The following KRT222 variants were observed in gnomAD, a reference collection of about 807,000 sequenced individuals.
KRT222 encodes the protein keratin-like protein KRT222.
A neutral mutation model predicts 35.0 loss-of-function variants in KRT222; 23 were observed. The ratio of observed to expected loss-of-function variants is 0.66; its 90% CI spans 0.47 to 0.93. The LOEUF is 0.93. KRT222 is among the 40% of genes least tolerant of loss of function. The pLI is 0.00. For missense variants in KRT222, 339 were observed against 346.3 expected (o/e 0.98, Z 0.17); for synonymous variants, 108 against 118.8 (o/e 0.91, Z 0.59).
In KRT222 at chr17:40,662,032, T is replaced by C. The variant is rs1433413402; in HGVS notation, c.109A>G (p.Ile37Val). The change falls in exon 2 of 6, where the codon ATA becomes GTA. Residue 37 changes from isoleucine to valine, a missense_variant. Coordinates refer to ENST00000394052, the MANE Select transcript of KRT222 (RefSeq NM_152349.3). The part of the protein sequence containing the change: ...LSTRIQLEED[I>V]SKKMDKDEEA... ...TCATCTTTGTCCATTTTTTTGCTTA[T>C]GTCTTCTTCTAGCTAACAAGAAAGC... 6.2e-7 allele frequency: 1 copy of C among 1,613,746 alleles called. No individual in the cohort carries two copies. The highest frequency in any genetic ancestry group is 2.2e-5 in the East Asian group (1 of 44,876).
intron 1 of KRT222, among the ~76,000 whole-genome samples, chr17:40,663,287 A>G (rs138672068): frequency 3.3e-5 from 5 of 152,292 alleles, no homozygotes; most frequent in Admixed American, 6.5e-5. Flanking sequence ...CCCCTTCTAC[A>G]TTGACTCTGG....
Position 40,660,185 on chromosome 17 carries a change from A to G in KRT222, c.248T>C (p.Leu83Pro). The G allele has an allele frequency of 6.2e-7, 1 of 1,613,884 alleles. No individual in the cohort carries two copies. The highest frequency in any genetic ancestry group is 8.5e-7 in the Non-Finnish European group (1 of 1,179,968). Residue 83 changes from leucine (L) to proline (P), a missense_variant, in exon 3 of 6, where the codon CTA becomes CCA. By Grantham distance (98) the Leu-to-Pro change is moderately conservative. Transcript: ENST00000394052. The stretch of plus-strand genomic sequence containing the variant: ...CTGGTAATGCTGCTCGCTGGCATGT[A>G]GGGAGTTTTCAAGGCCCCTTTCCTG... ...HAVERGLENS[L>P]HASEQHYQMQ...
At chr17:40,657,575 T>TG (rs1448484620) in intron 4 of KRT222, 88 bp from the exon 5 acceptor site, 68 of 1,399,038 alleles carry the variant, frequency 4.9e-5, no homozygotes, top group East Asian at 4.2e-4. Context: ...AAATATTGCT[T>TG]GTTTTTTTTC....
intron 2 of KRT222, among the ~76,000 whole-genome samples, chr17:40,660,757 G>GA (rs34751443): frequency 0.73 from 108,999 of 150,172 alleles, 39,844 homozygotes; most frequent in African/African-American, 0.84. Flanking sequence ...AATTCTTACT[G>GA]AAAAAAAAAT....
intron 3 of KRT222, among the ~76,000 whole-genome samples, chr17:40,659,372 G>A (rs980260521): frequency 7.9e-5 from 12 of 151,610 alleles, no homozygotes; most frequent in African/African-American, 2.9e-4. Context: ...ACAGGGTTTC[G>A]CCATGTTGGC....
intron 5 of KRT222, 76 bp from the exon 6 acceptor site, chr17:40,656,706 C>G: frequency 1.3e-6 from 1 of 753,870 alleles, no homozygotes; most frequent in South Asian, 2.0e-5. Context: ...TATTTCATAT[C>G]TATGGAAAAA....
intron 2 of KRT222, among the ~76,000 whole-genome samples, chr17:40,661,490 T>G (rs529443985): frequency 6.6e-6 from 1 of 152,244 alleles, no homozygotes; most frequent in East Asian, 1.9e-4. Flanking sequence ...GGTCTCAAAC[T>G]CCTGAGCTCA....
rs763642472 is a variant in KRT222, at chr17:40,656,378, A to G, written c.*24T>C. 5 of 1,586,834 alleles carry G rather than the reference A, an allele frequency of 3.2e-6. No individual in the cohort carries two copies. The highest frequency in any genetic ancestry group is 4.3e-6 in the Non-Finnish European group (5 of 1,155,494). ...CCTTGGTCCATCCTAACATTTTCCAATCAAGTCAAATACTATCTTTGGATT... is the reference window on the plus strand; with the variant it reads ...CCTTGGTCCATCCTAACATTTTCCAGTCAAGTCAAATACTATCTTTGGATT... On this transcript the variant is annotated 3_prime_UTR_variant, in exon 6 of 6. Transcript: ENST00000394052.
At chr17:40,663,872 G>A (rs1299593141) in intron 1 of KRT222, among the ~76,000 whole-genome samples, 4 of 152,134 alleles carry the variant, frequency 2.6e-5, no homozygotes, top group African/African-American at 9.7e-5. Flanking sequence ...TTTTGTTTAT[G>A]ATTTTTAGAA....
rs751447277 is a variant in KRT222 at position 40,657,756 on chromosome 17, A to C, written c.447-6T>G. 6.3e-7 allele frequency: 1 copy of C among 1,593,750 alleles called. No individual in the cohort carries two copies. The highest frequency in any genetic ancestry group is 8.6e-7 in the Non-Finnish European group (1 of 1,163,284). On this transcript the variant is annotated splice_region_variant and splice_polypyrimidine_tract_variant and intron_variant, in intron 3 of 5. Transcript: ENST00000394052. ...CTTGGATACAACCATAATATCTGAA[A>C]TCAGAAAGAATTTTATTTTAAGAGC...
chr17:40,665,164 T>C lies in KRT222; in HGVS notation c.-65A>G. On this transcript the variant is annotated 5_prime_UTR_variant, in exon 1 of 6. Transcript: ENST00000394052. ...GATAGGATGAGTCGCTGCGGCAGTC[T>C]GCTCGGTCTGCGCGGAAGGCAGGGA... 6.8e-7 allele frequency: 1 copy of C among 1,466,974 alleles called. No homozygotes were observed. The highest frequency in any genetic ancestry group is 1.1e-5 in the South Asian group (1 of 88,128). 90.9% of individuals were successfully genotyped at this position (1,466,974 alleles called of 1,614,324 possible).
At chr17:40,660,271 G>T in intron 2 of KRT222, 64 bp from the exon 3 acceptor site, 3 of 1,358,388 alleles carry the variant, frequency 2.2e-6, no homozygotes, top group Non-Finnish European at 1.0e-6. Flanking sequence ...AATCTGATTT[G>T]CAATATCTTC....
At position 40,657,946 on chromosome 17, in the gene KRT222, T is replaced by G. The variant is rs559202434; in HGVS notation, c.447-196A>C. Among the ~76,000 whole-genome samples, 5 of 152,284 alleles carry G rather than the reference T, an allele frequency of 3.3e-5. No individual in the cohort carries two copies. The South Asian group carries it at 8.3e-4, about 25-fold the overall frequency. On this transcript the variant is annotated intron_variant, in intron 3 of 5. Coordinates refer to ENST00000394052, the MANE Select transcript of KRT222 (RefSeq NM_152349.3). ...TTGAGTGAAAAAAGAAGTTTTATAG[T>G]TTTATAAAGTTTAGAATAATATGCA...
intron 2 of KRT222, among the ~76,000 whole-genome samples, chr17:40,661,002 T>A (rs1282890290): frequency 6.6e-6 from 1 of 152,240 alleles, no homozygotes; most frequent in Non-Finnish European, 1.5e-5. Flanking sequence ...TGGAGTGCAG[T>A]GGCATGATCT....
At position 40,656,441 on chromosome 17, in the gene KRT222, G is replaced by A. The variant is rs2037344399; in HGVS notation, c.849C>T (p.Cys283=). The part of the protein sequence containing the change: ...IEVRLIMRRS[C]SIPSIKPPST... ...ATGGAGGTTTGATAGAGGGAATACT[G>A]CATGATCTTCTCATGATAAGCCTGA... is the stretch of plus-strand genomic sequence containing the variant. Residue 283 remains cysteine (C), a synonymous_variant, in exon 6 of 6, where the codon TGC becomes TGT. Coordinates refer to ENST00000394052, the MANE Select transcript of KRT222 (RefSeq NM_152349.3). The A allele has an allele frequency of 1.9e-6, 3 of 1,613,398 alleles. No individual in the cohort carries two copies. The highest frequency in any genetic ancestry group is 1.1e-5 in the South Asian group (1 of 91,072).
chr17:40,662,261 A>C (rs562764293), intron 1 of KRT222, among the ~76,000 whole-genome samples: 1 of 152,358 alleles, frequency 6.6e-6, no homozygotes, highest in South Asian at 2.1e-4. Flanking sequence ...AAATGATTTC[A>C]AGAAATCCCT....
Position 40,655,297 on chromosome 17 carries a change from A to C in KRT222, c.*1105T>G, listed in dbSNP as rs2037337146. On this transcript the variant is annotated 3_prime_UTR_variant, in exon 6 of 6. Coordinates refer to ENST00000394052, the MANE Select transcript of KRT222 (RefSeq NM_152349.3). ...AGGTATTTATTAAGATCTTAAATAT[A>C]CCTGTATTAAACAAATTAGGTTATT... The C allele has an allele frequency of 6.6e-6, 1 of 151,858 alleles. No homozygotes were observed. Among genetic ancestry groups the C allele is most frequent in the South Asian group, 2.1e-4 (1 of 4,824 alleles). 9.4% of individuals were successfully genotyped at this position (151,858 alleles called of 1,614,324 possible). A position where few individuals can be genotyped will look rare whatever the true frequency, so the allele number is the denominator to read the frequency against.
Position 40,665,005 on chromosome 17 carries a change from T to A in KRT222, c.95A>T (p.Gln32Leu), listed in dbSNP as rs1483877044. The change falls in exon 1 of 6, where the codon CAG (glutamine) becomes CTG (leucine). Residue 32 changes from glutamine (Q) to leucine (L), a missense_variant and splice_region_variant. Physicochemically the swap from Gln to Leu is moderately radical, Grantham distance 113. Coordinates refer to ENST00000394052, the MANE Select transcript of KRT222 (RefSeq NM_152349.3). ...TGCCTGTCTGTATGAAATCATTACC[T>A]GGATCCTTGTTGAGAGCACCGTCTC... ...QIETVLSTRI[Q>L]LEEDISKKMD... 3.7e-6 allele frequency: 6 copies of A among 1,614,010 alleles called. 1 individual carries two copies. The South Asian group carries it at 6.6e-5, about 18-fold the overall frequency.
chr17:40,659,158 T>TC (rs202009311), intron 3 of KRT222, among the ~76,000 whole-genome samples: 1,752 of 85,296 alleles, frequency 0.021, 13 homozygotes, highest in Non-Finnish European at 0.035. Flanking sequence ...TCTCTCTCTC[T>TC]TTTTTTTTTT....
Sources: gnomAD v4.1 joint callset for allele counts (sites outside exome capture counted in the v4.1 genomes callset) on GRCh38, gnomAD v4.1.1 for gene constraint, MANE v1.5 for transcripts, NCBI Gene and HGNC (gene_info 2026-07-23, HGNC 2026-07-21) for gene names.